LHFPL3: variants seen among roughly 807,000 people sequenced by gnomAD.
The protein encoded by LHFPL3 is LHFPL tetraspan subfamily member 3.
LHFPL3 carries 5 observed loss-of-function variants against 19.3 expected under a neutral mutation model. The observed-to-expected ratio is 0.26, with a 90% CI of 0.14 to 0.54. LHFPL3 has a LOEUF of 0.54. LHFPL3 is among the 20% of genes least tolerant of loss of function. The probability of loss-of-function intolerance (pLI) is 0.94; values close to 1 mark genes in which losing one functional copy is unlikely to be tolerated. For missense variants in LHFPL3, 249 were observed against 307.4 expected, an observed-to-expected ratio of 0.81 and a Z score of 1.42; for synonymous variants, 133 against 126.2, an observed-to-expected ratio of 1.05 and a Z score of -0.36.
chr7:104,457,450 A>G (rs1405284235), intron 1 of LHFPL3, among the ~76,000 whole-genome samples: 5 of 152,102 alleles, frequency 3.3e-5, no homozygotes, highest in African/African-American at 1.2e-4. Flanking sequence ...TGAACTCATC[A>G]TTTTTATGGC....
At chr7:104,850,975 G>GA (rs1291536229) in intron 2 of LHFPL3, among the ~76,000 whole-genome samples, 1 of 152,150 alleles carries the variant, frequency 6.6e-6, no homozygotes, top group Non-Finnish European at 1.5e-5. Flanking sequence ...TCTGATGTGG[G>GA]AGACCCACAG....
chr7:104,392,601 G>A (rs1213620404), intron 1 of LHFPL3, among the ~76,000 whole-genome samples: 14 of 152,122 alleles, frequency 9.2e-5, no homozygotes, highest in African/African-American at 2.9e-4. Flanking sequence ...TATTTTATTG[G>A]GGATTTTTGC....
chr7:104,492,741 T>A (rs1584356964), intron 1 of LHFPL3, among the ~76,000 whole-genome samples: 1 of 152,232 alleles, frequency 6.6e-6, no homozygotes, highest in African/African-American at 2.4e-5. Context: ...TCAAATTCCT[T>A]GCTTTCCAGT....
At chr7:104,415,833 A>C (rs1791609932) in intron 1 of LHFPL3, among the ~76,000 whole-genome samples, 1 of 152,210 alleles carries the variant, frequency 6.6e-6, no homozygotes, top group African/African-American at 2.4e-5. Flanking sequence ...GAAGGGCTAT[A>C]GTTGGCTACA....
intron 1 of LHFPL3, among the ~76,000 whole-genome samples, chr7:104,672,631 CAT>C (rs1792507598): frequency 6.6e-6 from 1 of 152,200 alleles, no homozygotes; most frequent in Admixed American, 6.5e-5. Context: ...CGGGGACTGA[CAT>C]GTGTGTTTCT....
At chr7:104,384,772 A>G (rs1790900991) in intron 1 of LHFPL3, among the ~76,000 whole-genome samples, 1 of 145,682 alleles carries the variant, frequency 6.9e-6, no homozygotes, top group Non-Finnish European at 1.5e-5. Flanking sequence ...AGGCAACAAG[A>G]GTGAAACTCT....
chr7:104,906,798 A>G lies in LHFPL3; in HGVS notation c.*583A>G, dbSNP rs1253728231. ...TTACTTCACTGTGTAATTAGTTACA[A>G]CCACTCAGTTATTAAGAGACGTAAC... On this transcript the variant is annotated 3_prime_UTR_variant, in exon 3 of 3. Coordinates refer to ENST00000424859, the MANE Select transcript of LHFPL3 (RefSeq NM_199000.3). 3 of 152,904 alleles carry G rather than the reference A, an allele frequency of 2.0e-5. No homozygotes were observed. The allele number at this position is 152,904 out of a possible 1,614,324, so 9.5% of individuals were successfully genotyped here.
chr7:104,445,644 AG>A (rs1184612326), intron 1 of LHFPL3, among the ~76,000 whole-genome samples: 1 of 152,236 alleles, frequency 6.6e-6, no homozygotes, highest in African/African-American at 2.4e-5. Flanking sequence ...AGATACAAAA[AG>A]GCCAGACTTC....
chr7:104,887,360 T>C (rs1189459363), intron 2 of LHFPL3, among the ~76,000 whole-genome samples: 8 of 152,100 alleles, frequency 5.3e-5, no homozygotes, highest in Admixed American at 4.6e-4. Flanking sequence ...TGGTAGGGGA[T>C]GAAAAAGTGA....
chr7:104,874,509 C>G (rs191840935), intron 2 of LHFPL3, among the ~76,000 whole-genome samples: 21 of 151,574 alleles, frequency 1.4e-4, no homozygotes, highest in African/African-American at 5.1e-4. Flanking sequence ...ATTCTCCTGT[C>G]TCAGCCTCCT....
At chr7:104,508,071 A>G (rs1793735163) in intron 1 of LHFPL3, among the ~76,000 whole-genome samples, 2 of 149,978 alleles carry the variant, frequency 1.3e-5, no homozygotes, top group South Asian at 2.1e-4. Flanking sequence ...GGGATCTAGA[A>G]CTGGAAATAC....
intron 1 of LHFPL3, among the ~76,000 whole-genome samples, chr7:104,559,084 C>A (rs2115938297): frequency 6.8e-6 from 1 of 148,032 alleles, no homozygotes; most frequent in Non-Finnish European, 1.5e-5. Context: ...TTACTGTAGC[C>A]TTTCAGTGTA....
intron 1 of LHFPL3, among the ~76,000 whole-genome samples, chr7:104,488,529 GTCTC>G (rs151004429): frequency 6.6e-6 from 1 of 150,840 alleles, no homozygotes; most frequent in Admixed American, 6.6e-5. Flanking sequence ...TGTATAATCT[GTCTC>G]TCTCTCTCTC....
At chr7:104,348,514 C>T (rs1409950571) in intron 1 of LHFPL3, among the ~76,000 whole-genome samples, 1 of 152,186 alleles carries the variant, frequency 6.6e-6, no homozygotes, top group Non-Finnish European at 1.5e-5. Flanking sequence ...CTTACCTTGA[C>T]TAGGAAAATT....
intron 1 of LHFPL3, among the ~76,000 whole-genome samples, chr7:104,664,626 GATA>G (rs1335570867): frequency 5.9e-5 from 9 of 152,160 alleles, no homozygotes; most frequent in Non-Finnish European, 1.2e-4. Flanking sequence ...GCACAGCATA[GATA>G]ATGACTGAGC....
chr7:104,481,808 T>C (rs1174712150), intron 1 of LHFPL3, among the ~76,000 whole-genome samples: 1 of 152,158 alleles, frequency 6.6e-6, no homozygotes, highest in Non-Finnish European at 1.5e-5. Context: ...ATCAGAGACA[T>C]TGCTTATGAA....
chr7:104,652,003 G>C (rs1792042432), intron 1 of LHFPL3, among the ~76,000 whole-genome samples: 1 of 152,206 alleles, frequency 6.6e-6, no homozygotes, highest in Non-Finnish European at 1.5e-5. Flanking sequence ...TGATCCACAG[G>C]CTTTTGTGAT....
At chr7:104,512,715 G>A (rs1426719355) in intron 1 of LHFPL3, among the ~76,000 whole-genome samples, 3 of 152,018 alleles carry the variant, frequency 2.0e-5, no homozygotes, top group Middle Eastern at 3.4e-3. Context: ...CAGCCTGAGC[G>A]ACAGAGTGAG....
chr7:104,559,008 C>T (rs945545635), intron 1 of LHFPL3, among the ~76,000 whole-genome samples: 10 of 148,546 alleles, frequency 6.7e-5, no homozygotes, highest in Non-Finnish European at 1.5e-4. Context: ...GGCGTTATTT[C>T]TGAGGGCTCT....
Sources: allele counts gnomAD v4.1 joint callset (sites outside exome capture counted in the v4.1 genomes callset), GRCh38; gene constraint gnomAD v4.1.1; transcripts MANE v1.5; gene names NCBI Gene and HGNC (gene_info 2026-07-23, HGNC 2026-07-21).